The following NGEF variants were observed in gnomAD, a reference collection of about 807,000 sequenced individuals.
NGEF encodes the protein neuronal guanine nucleotide exchange factor, also known as ephexin-1.
Under a neutral mutation model 80.9 loss-of-function variants are expected in NGEF, and 31 were observed. The observed-to-expected ratio is 0.38, with a 90% CI of 0.29 to 0.52. NGEF has a LOEUF of 0.52. Among genes scored for constraint, NGEF ranks in the 20% least tolerant of loss-of-function variants. NGEF has a pLI of 0.84. For missense variants in NGEF, 709 were observed against 926.2 expected, an observed-to-expected ratio of 0.77 and a Z score of 3.04; for synonymous variants, 371 against 370.2, an observed-to-expected ratio of 1.00 and a Z score of -0.03.
At chr2:232,999,425 G>A (rs879238043) in intron 1 of NGEF, among the ~76,000 whole-genome samples, 1 of 152,160 alleles carries the variant, frequency 6.6e-6, no homozygotes, top group Admixed American at 6.6e-5. Flanking sequence ...CTGGTGGGTG[G>A]AACTGTTGAG....
intron 4 of NGEF, among the ~76,000 whole-genome samples, chr2:232,924,955 T>C (rs1693029894): frequency 6.6e-6 from 1 of 152,228 alleles, no homozygotes; most frequent in Admixed American, 6.5e-5. Context: ...TCATTTTTAT[T>C]TGCCTTAAAT....
chr2:233,012,946 T>C (rs1307064165), intron 1 of NGEF, 122 bp downstream of exon 1: 1 of 468,948 alleles, frequency 2.1e-6, no homozygotes. Flanking sequence ...TCTTGGGGGC[T>C]CCTCCTCAGT....
At chr2:232,952,876 G>A (rs1323232221) in intron 3 of NGEF, among the ~76,000 whole-genome samples, 13 of 148,378 alleles carry the variant, frequency 8.8e-5, no homozygotes, top group Non-Finnish European at 1.9e-4. Flanking sequence ...GGCTGAGGCA[G>A]GAGAATCACT....
intron 1 of NGEF, among the ~76,000 whole-genome samples, chr2:232,993,026 T>A (rs976616040): frequency 7.2e-6 from 1 of 139,250 alleles, no homozygotes; most frequent in Non-Finnish European, 1.5e-5. Flanking sequence ...CACACGCACA[T>A]AAATATATAA....
In NGEF at chr2:232,930,632, C is replaced by T. The variant is rs184657898; in HGVS notation, c.384-3446G>A. 2.3e-3 allele frequency among the ~76,000 whole-genome samples: 357 copies of T among 152,226 alleles called. 2 individuals carry two copies. Among genetic ancestry groups the T allele is most frequent in the Middle Eastern group, 0.017 (5 of 294 alleles). ...CTGGGATTATAGGTGTGAGCCACCA[C>T]GCCTGGCCTCTCTGGGGTCTCTTTT... On this transcript the variant is annotated intron_variant, in intron 3 of 14. Coordinates refer to ENST00000264051, the MANE Select transcript of NGEF (RefSeq NM_019850.3).
chr2:232,903,147 T>C (rs1692404528), intron 5 of NGEF, among the ~76,000 whole-genome samples: 1 of 152,198 alleles, frequency 6.6e-6, no homozygotes, highest in Non-Finnish European at 1.5e-5. Context: ...CCTCTCAAAA[T>C]TTAAAGAACA....
chr2:232,945,615 G>A (rs1398518769), intron 3 of NGEF, among the ~76,000 whole-genome samples: 1 of 152,192 alleles, frequency 6.6e-6, no homozygotes, highest in African/African-American at 2.4e-5. Flanking sequence ...GAGGCGGGGA[G>A]CAGCTTCTCC....
intron 1 of NGEF, among the ~76,000 whole-genome samples, chr2:232,991,340 G>GT (rs34949366): frequency 0.33 from 49,560 of 151,118 alleles, 9,715 homozygotes; most frequent in East Asian, 0.85. Context: ...AAGGAATCCA[G>GT]TAAAAAAAAA....
chr2:232,893,942 G>C (rs1449691887), intron 6 of NGEF, among the ~76,000 whole-genome samples: 3 of 152,116 alleles, frequency 2.0e-5, no homozygotes. Context: ...GACCCACTTG[G>C]AGGCCCACAG....
At chr2:232,880,835 G>A (rs565480556) in intron 14 of NGEF, among the ~76,000 whole-genome samples, 5 of 146,958 alleles carry the variant, frequency 3.4e-5, no homozygotes, top group South Asian at 2.1e-4. Context: ...TGATGGGGGT[G>A]CTGAGGCCAG....
chr2:232,934,103 G>C (rs922308933), intron 3 of NGEF, among the ~76,000 whole-genome samples: 1 of 152,068 alleles, frequency 6.6e-6, no homozygotes, highest in Non-Finnish European at 1.5e-5. Context: ...TTAGCTGGGC[G>C]TGATGGCACG....
chr2:232,994,815 T>C lies in NGEF; in HGVS notation c.-75+18253A>G, dbSNP rs74334456. ...GAGCTGCTTTATTTATGCATTATTA[T>C]ACAAATTAACATAGAAGATACTATT... On this transcript the variant is annotated intron_variant, in intron 1 of 14. Coordinates refer to ENST00000264051, the MANE Select transcript of NGEF (RefSeq NM_019850.3). Among the ~76,000 whole-genome samples, 352 of 152,084 alleles carry C rather than the reference T, an allele frequency of 2.3e-3. 4 individuals are homozygous for C. Among genetic ancestry groups the C allele is most frequent in the East Asian group, 0.021 (108 of 5,180 alleles).
In NGEF at chr2:232,882,329, C is replaced by T. The variant is rs546560187; in HGVS notation, c.1758-64G>A. ...AACGGCAGCCCCCCAACGTGTGGCA[C>T]GAGGCTTCCCAGCTAGCTGCCCCTC... On this transcript the variant is annotated intron_variant, in intron 12 of 14. Transcript: ENST00000264051. The T allele has an allele frequency of 9.1e-6, 13 of 1,426,180 alleles. No homozygotes were observed. In the South Asian group the frequency reaches 9.4e-5, roughly 10 times the overall value. The allele number at this position is 1,426,180 out of a possible 1,614,324, so 88.3% of individuals were successfully genotyped here.
intron 6 of NGEF, among the ~76,000 whole-genome samples, chr2:232,894,024 G>A (rs1189867099): frequency 2.0e-5 from 3 of 152,174 alleles, no homozygotes; most frequent in Admixed American, 6.5e-5. Context: ...GGGCTGCGCC[G>A]GGCCCCACCT....
Position 232,933,678 on chromosome 2 carries a change from T to C in NGEF, c.384-6492A>G, listed in dbSNP as rs547532461. ...GGTGGTGGGCACTGGCCTCCCCAGCTCTCTGAGGCTTTGGCCTCTGCACAG... is the reference window on the plus strand; with the variant it reads ...GGTGGTGGGCACTGGCCTCCCCAGCCCTCTGAGGCTTTGGCCTCTGCACAG... On this transcript the variant is annotated intron_variant, in intron 3 of 14. Coordinates refer to ENST00000264051, the MANE Select transcript of NGEF (RefSeq NM_019850.3). Among the ~76,000 whole-genome samples, 4 of 152,340 alleles carry C rather than the reference T, an allele frequency of 2.6e-5. No individual in the cohort carries two copies. In the South Asian group the frequency reaches 8.3e-4, roughly 32 times the overall value.
chr2:233,006,863 A>G (rs1394190261), intron 1 of NGEF, among the ~76,000 whole-genome samples: 1 of 152,152 alleles, frequency 6.6e-6, no homozygotes. Flanking sequence ...CAGGTGGTGG[A>G]GGCGGGATTC....
In NGEF at chr2:232,892,786, C is replaced by G; in HGVS notation, c.1142+112G>C. 4 of 1,213,512 alleles carry G rather than the reference C, an allele frequency of 3.3e-6. No individual in the cohort carries two copies. In the East Asian group the frequency reaches 9.4e-5, roughly 29 times the overall value. The allele number at this position is 1,213,512 out of a possible 1,614,324, so 75.2% of individuals were successfully genotyped here. On this transcript the variant is annotated intron_variant, in intron 7 of 14. Coordinates refer to ENST00000264051, the MANE Select transcript of NGEF (RefSeq NM_019850.3). The surrounding 1 kb of genome is among the most constrained non-coding windows in gnomAD (Gnocchi z 4.0). ...CGGTGGCTCATGTGGACCTTGGGAA[C>G]GCAGAGGTAAAGGACCATGAAGTGT...
Position 232,901,682 on chromosome 2 carries a change from G to A in NGEF, c.829-6766C>T, listed in dbSNP as rs541186008. ...TCCCTTCCCATCCACCCGTGTGCCA[G>A]GCCCTCCCCACACAGGTCACCCCCA... is the stretch of plus-strand genomic sequence containing the variant. On this transcript the variant is annotated intron_variant, in intron 5 of 14. Transcript: ENST00000264051. Among the ~76,000 whole-genome samples, 208 of 152,322 alleles carry A rather than the reference G, an allele frequency of 1.4e-3. 1 individual carries two copies. The highest frequency in any genetic ancestry group is 3.7e-3 in the South Asian group (18 of 4,830).
intron 3 of NGEF, among the ~76,000 whole-genome samples, chr2:232,952,410 G>T (rs1693695298): frequency 6.6e-6 from 1 of 152,146 alleles, no homozygotes; most frequent in African/African-American, 2.4e-5. Context: ...GAACTTTTTG[G>T]CTCATTGCCA....
Sources: allele counts gnomAD v4.1 joint callset (sites outside exome capture counted in the v4.1 genomes callset), GRCh38; gene constraint gnomAD v4.1.1; non-coding constraint Gnocchi (gnomAD v3.1); transcripts MANE v1.5; gene names NCBI Gene and HGNC (gene_info 2026-07-23, HGNC 2026-07-21).